KAT7: variants seen among roughly 807,000 people sequenced by gnomAD.
KAT7 encodes the protein histone acetyltransferase KAT7.
A neutral mutation model predicts 82.1 loss-of-function variants in KAT7; 10 were observed. The ratio of observed to expected loss-of-function variants is 0.12; its 90% CI spans 0.08 to 0.21. The LOEUF is 0.21. KAT7 is among the 10% of genes least tolerant of loss of function. KAT7 has a pLI of 1.00. For missense variants in KAT7, 378 were observed against 760.9 expected, an observed-to-expected ratio of 0.50 and a Z score of 5.92; for synonymous variants, 250 against 262.5, an observed-to-expected ratio of 0.95 and a Z score of 0.46.
Position 49,831,832 on chromosome 17 carries a change from T to G in KAT7, c.*4330T>G, listed in dbSNP as rs1381389265. On this transcript the variant is annotated 3_prime_UTR_variant, in exon 15 of 15. Transcript: ENST00000259021. The stretch of plus-strand genomic sequence containing the variant: ...CCCACCACCACGCCCAGCTAATTTT[T>G]TGTATTTTTAGTAGAATGAGGTTTC... 1 of 151,838 alleles carries G rather than the reference T, an allele frequency of 6.6e-6. No homozygotes were observed. The highest frequency in any genetic ancestry group is 1.5e-5 in the Non-Finnish European group (1 of 68,032). The allele number at this position is 151,838 out of a possible 1,614,324, so 9.4% of individuals were successfully genotyped here. A position where few individuals can be genotyped will look rare whatever the true frequency, so the allele number is the denominator to read the frequency against.
intron 8 of KAT7, among the ~76,000 whole-genome samples, chr17:49,816,310 C>G (rs997707632): frequency 1.3e-5 from 2 of 152,144 alleles, no homozygotes; most frequent in Non-Finnish European, 2.9e-5. Flanking sequence ...TTCCTCTGCA[C>G]TAAGAATGAA....
At position 49,805,813 on chromosome 17, in the gene KAT7, CTT is replaced by C. The variant is rs144902713; in HGVS notation, c.663+369_663+370del. On this transcript the variant is annotated intron_variant, in intron 5 of 14. Coordinates refer to ENST00000259021, the MANE Select transcript of KAT7 (RefSeq NM_007067.5). ...TCTTAATATTTATGCATTCGGTTCT[CTT>C]CTCATAAATCTATGAAGTCATTTTG... 8.3e-3 allele frequency among the ~76,000 whole-genome samples: 1,269 copies of C among 152,244 alleles called. 17 individuals are homozygous for C. The highest frequency in any genetic ancestry group is 0.061 in the East Asian group (318 of 5,180).
intron 11 of KAT7, among the ~76,000 whole-genome samples, chr17:49,822,782 C>A (rs2074321885): frequency 6.6e-6 from 1 of 151,958 alleles, no homozygotes; most frequent in Non-Finnish European, 1.5e-5. Context: ...TGGAATCACA[C>A]ATTTTGATTT....
intron 6 of KAT7, among the ~76,000 whole-genome samples, chr17:49,811,222 T>C (rs1041804830): frequency 2.0e-5 from 3 of 151,588 alleles, no homozygotes; most frequent in Non-Finnish European, 4.4e-5. Context: ...TTCTCCCACC[T>C]CAGCCTCCCG....
At chr17:49,798,248 TA>T (rs2073980538) in intron 3 of KAT7, 70 bp from the exon 4 acceptor site, 3 of 1,467,082 alleles carry the variant, frequency 2.0e-6, no homozygotes, top group East Asian at 2.3e-5. Flanking sequence ...GGGAAGCCCA[TA>T]AACTCTGAAT....
At chr17:49,822,522 C>T (rs1266948497) in intron 11 of KAT7, among the ~76,000 whole-genome samples, 2 of 152,098 alleles carry the variant, frequency 1.3e-5, no homozygotes, top group African/African-American at 2.4e-5. Context: ...TGAGCCATTG[C>T]GCCCGGCCTA....
intron 9 of KAT7, among the ~76,000 whole-genome samples, chr17:49,820,118 C>A (rs910965889): frequency 1.3e-5 from 2 of 152,150 alleles, no homozygotes; most frequent in Admixed American, 1.3e-4. Context: ...ATTAACTAAC[C>A]AGGCATGGCG....
At chr17:49,804,408 G>T (rs2074065620) in intron 4 of KAT7, among the ~76,000 whole-genome samples, 1 of 151,714 alleles carries the variant, frequency 6.6e-6, no homozygotes, top group African/African-American at 2.4e-5. Flanking sequence ...ATACATGAAT[G>T]AAGAGATACC....
intron 7 of KAT7, among the ~76,000 whole-genome samples, chr17:49,814,705 T>C (rs1398037239): frequency 6.6e-6 from 1 of 152,176 alleles, no homozygotes; most frequent in Non-Finnish European, 1.5e-5. Flanking sequence ...GGCTAGGACT[T>C]TTTTCAAGCT....
At chr17:49,797,745 T>C (rs2073975141) in intron 3 of KAT7, among the ~76,000 whole-genome samples, 1 of 152,232 alleles carries the variant, frequency 6.6e-6, no homozygotes, top group African/African-American at 2.4e-5. Context: ...CAATCACCCA[T>C]AGTAATAATT....
intron 6 of KAT7, 111 bp downstream of exon 6, chr17:49,809,319 C>A: frequency 1.4e-6 from 1 of 721,772 alleles, no homozygotes; most frequent in East Asian, 2.7e-5. Context: ...GGTATATCTT[C>A]CAGATGTAAA....
At chr17:49,817,509 G>C (rs1337587208) in intron 8 of KAT7, among the ~76,000 whole-genome samples, 1 of 152,166 alleles carries the variant, frequency 6.6e-6, no homozygotes, top group African/African-American at 2.4e-5. Flanking sequence ...GTTTCGCTCT[G>C]TCTCCCAGGC....
intron 5 of KAT7, among the ~76,000 whole-genome samples, chr17:49,806,081 G>T (rs925051916): frequency 6.6e-6 from 1 of 152,216 alleles, no homozygotes; most frequent in African/African-American, 2.4e-5. Context: ...TTATGGGGAA[G>T]CAAGAGTGGA....
chr17:49,826,126 G>A lies in KAT7; in HGVS notation c.1607G>A (p.Gly536Asp). ...VLLRYLHNFQGKEISIKEISQ... is the reference protein window; with the variant it reads ...VLLRYLHNFQDKEISIKEISQ... Reference sequence around the variant, plus strand: ...CTCCGCTACCTGCATAATTTTCAAGGCAAAGAGATTTCTATCAAAGGTTGG... The same window carrying A: ...CTCCGCTACCTGCATAATTTTCAAGACAAAGAGATTTCTATCAAAGGTTGG... The change falls in exon 13 of 15, where the codon GGC becomes GAC. Residue 536 changes from glycine (G) to aspartate (D), a missense_variant. Transcript: ENST00000259021. The A allele has an allele frequency of 6.2e-7, 1 of 1,613,918 alleles. No homozygotes were observed. Among genetic ancestry groups the A allele is most frequent in the Non-Finnish European group, 8.5e-7 (1 of 1,179,824 alleles).
chr17:49,800,762 G>T (rs1466454561), intron 4 of KAT7, among the ~76,000 whole-genome samples: 2 of 152,124 alleles, frequency 1.3e-5, no homozygotes, highest in African/African-American at 4.8e-5. Flanking sequence ...ATAGATAGAC[G>T]TGTAATATAT....
intron 12 of KAT7, 55 bp downstream of exon 12, chr17:49,823,350 GTTTGTCTT>G (rs1172526462): frequency 1.0e-6 from 1 of 982,654 alleles, no homozygotes; most frequent in African/African-American, 1.6e-5. Context: ...TGTGAATATT[GTTTGTCTT>G]TTTGTCCTGT....
chr17:49,807,507 T>C (rs1335299929), intron 5 of KAT7, among the ~76,000 whole-genome samples: 2 of 152,222 alleles, frequency 1.3e-5, no homozygotes, highest in Non-Finnish European at 2.9e-5. Context: ...ATCCAGATCA[T>C]AAAGGACCTT....
chr17:49,804,763 A>T (rs974225551), intron 4 of KAT7, among the ~76,000 whole-genome samples: 25 of 152,346 alleles, frequency 1.6e-4, no homozygotes, highest in African/African-American at 2.4e-4. Context: ...ACATAAAAAA[A>T]TTTTTTAAAG....
rs954253521 is a variant in KAT7 at position 49,833,788 on chromosome 17, A to G, written c.*6286A>G. The stretch of plus-strand genomic sequence containing the variant: ...AAAGACATCTAGCTGAGTCCTGTTA[A>G]CCCAGAGAATTATGAGAATACTGTT... On this transcript the variant is annotated 3_prime_UTR_variant, in exon 15 of 15. Coordinates refer to ENST00000259021, the MANE Select transcript of KAT7 (RefSeq NM_007067.5). The G allele has an allele frequency of 3.3e-5, 5 of 152,226 alleles. No individual in the cohort carries two copies. The East Asian group carries it at 9.6e-4, about 29-fold the overall frequency. The allele number at this position is 152,226 out of a possible 1,614,324, so 9.4% of individuals were successfully genotyped here.
Sources: allele counts gnomAD v4.1 joint callset (sites outside exome capture counted in the v4.1 genomes callset), GRCh38; gene constraint gnomAD v4.1.1; transcripts MANE v1.5; gene names NCBI Gene and HGNC (gene_info 2026-07-23, HGNC 2026-07-21).